Variants in NCAN observed in about 807,000 individuals in gnomAD.
NCAN encodes the protein neurocan core protein.
Under a neutral mutation model 121.8 loss-of-function variants are expected in NCAN, and 47 were observed. The observed-to-expected ratio is 0.39, with a 90% CI of 0.31 to 0.49. The LOEUF (loss-of-function observed/expected upper bound fraction) is 0.49. NCAN is among the 20% of genes least tolerant of loss of function. The probability of loss-of-function intolerance (pLI) is 0.92; values close to 1 mark genes in which losing one functional copy is unlikely to be tolerated. For synonymous variants in NCAN, 633 were observed against 702.0 expected (o/e 0.90, Z 1.55); for missense variants, 1,517 against 1,773.4 (o/e 0.86, Z 2.60).
chr19:19,220,790 C>T (rs1238668904), intron 3 of NCAN, among the ~76,000 whole-genome samples: 2 of 152,052 alleles, frequency 1.3e-5, no homozygotes, highest in African/African-American at 4.8e-5. Flanking sequence ...TCTTGTTGAG[C>T]TGCGTGTGGT....
chr19:19,241,178 C>T (rs974992474), intron 12 of NCAN, among the ~76,000 whole-genome samples: 10 of 152,054 alleles, frequency 6.6e-5, no homozygotes, highest in Non-Finnish European at 1.5e-4. Context: ...ATCGCTTGAA[C>T]CTGTGAGGCG....
In NCAN at chr19:19,228,128, C is replaced by T. The variant is rs1190514271; in HGVS notation, c.2508C>T (p.Ala836=). Residue 836 remains alanine (A), a synonymous_variant, in exon 8 of 15, where the codon GCC becomes GCT. Transcript: ENST00000252575. ...VNPMDSTVTP[A]PSDASGIWEP... is the part of the protein sequence containing the mutation. ...CCATGGATTCCACAGTCACGCCGGC[C>T]CCCAGTGATGCTAGTGGAATTTGGG... The T allele has an allele frequency of 6.2e-7, 1 of 1,613,610 alleles. No homozygotes were observed. Among genetic ancestry groups the T allele is most frequent in the African/African-American group, 1.3e-5 (1 of 74,916 alleles).
In NCAN at chr19:19,219,672, CA is replaced by C. The variant is rs56231208; in HGVS notation, c.475+376del. 1.4e-4 allele frequency among the ~76,000 whole-genome samples: 7 copies of C among 49,256 alleles called. 1 individual carries two copies. The highest frequency in any genetic ancestry group is 1.1e-3 in the South Asian group (1 of 910). The allele number at this position is 49,256 out of a possible 152,430, so 32.3% of individuals were successfully genotyped here. A position where few individuals can be genotyped will look rare whatever the true frequency, so the allele number is the denominator to read the frequency against. Reference sequence around the variant, plus strand: ...TGGATGACAGAGGGAGACCCTGTCACAAAAAAAAAAAAAAAAAAAAGGAAAG... The same window carrying C: ...TGGATGACAGAGGGAGACCCTGTCACAAAAAAAAAAAAAAAAAAAGGAAAG... On this transcript the variant is annotated intron_variant, in intron 3 of 14. Transcript: ENST00000252575.
chr19:19,244,309 C>CTTTTT (rs532412223), intron 12 of NCAN, among the ~76,000 whole-genome samples: 25,808 of 127,066 alleles, frequency 0.2, 3,061 homozygotes, highest in Middle Eastern at 0.27. Flanking sequence ...CCCTTACTAT[C>CTTTTT]TTTTTTTTTT....
chr19:19,245,206 C>G, intron 12 of NCAN, 107 bp from the exon 13 acceptor site: 1 of 1,372,488 alleles, frequency 7.3e-7, no homozygotes, highest in Non-Finnish European at 9.9e-7. Context: ...ACACTGAATC[C>G]CTGTGAGTTT....
intron 1 of NCAN, among the ~76,000 whole-genome samples, chr19:19,214,333 C>T (rs1241589722): frequency 6.6e-6 from 1 of 152,152 alleles, no homozygotes; most frequent in East Asian, 1.9e-4. Flanking sequence ...CATGAGGGCA[C>T]GGGCCCCAGA....
intron 10 of NCAN, among the ~76,000 whole-genome samples, chr19:19,236,338 G>T (rs1180048843): frequency 6.6e-6 from 1 of 152,166 alleles, no homozygotes; most frequent in Admixed American, 6.5e-5. Flanking sequence ...ATTGTAATAT[G>T]AATCAGTGTT....
At chr19:19,244,728 C>CTT (rs201995446) in intron 12 of NCAN, among the ~76,000 whole-genome samples, 10 of 136,482 alleles carry the variant, frequency 7.3e-5, no homozygotes, top group Admixed American at 1.5e-4. Flanking sequence ...TTTTCTTTTC[C>CTT]TTTTTTTTTT....
At chr19:19,240,826 G>A (rs2060900796) in intron 12 of NCAN, 141 bp downstream of exon 12, 3 of 805,234 alleles carry the variant, frequency 3.7e-6, no homozygotes, top group Middle Eastern at 2.5e-4. Context: ...GTTGGCAAAG[G>A]AGCTTCAAGT....
At chr19:19,241,056 G>C (rs1260644959) in intron 12 of NCAN, among the ~76,000 whole-genome samples, 1 of 151,856 alleles carries the variant, frequency 6.6e-6, no homozygotes. Context: ...GGGCACTTGA[G>C]ACTAGCCTGG....
rs2060835087 is a variant in NCAN at position 19,225,961 on chromosome 19, ACT to A, written c.1073-522_1073-521del. Among the ~76,000 whole-genome samples the A allele has an allele frequency of 6.6e-6, 1 of 151,736 alleles. No homozygotes were observed. The highest frequency in any genetic ancestry group is 2.1e-4 in the South Asian group (1 of 4,802). The stretch of plus-strand genomic sequence containing the variant: ...CTTTTTTCTTTTGAGACAGAGTCTC[ACT>A]CTGTCACCCAGGCTGGAGTGCAGTG... On this transcript the variant is annotated intron_variant, in intron 6 of 14. Transcript: ENST00000252575. The surrounding 1 kb of genome is among the most constrained non-coding windows in gnomAD (Gnocchi z 4.0).
At chr19:19,247,279 C>T (rs1165304396) in intron 13 of NCAN, among the ~76,000 whole-genome samples, 2 of 151,432 alleles carry the variant, frequency 1.3e-5, no homozygotes, top group Non-Finnish European at 2.9e-5. Context: ...TTTGAGACGG[C>T]GTCTTGCTCT....
rs948192941 is a variant in NCAN at position 19,250,942 on chromosome 19, G to A, written c.*1031G>A. The A allele has an allele frequency of 6.6e-6, 1 of 151,968 alleles. No individual in the cohort carries two copies. The highest frequency in any genetic ancestry group is 2.4e-5 in the African/African-American group (1 of 41,214). 9.4% of individuals were successfully genotyped at this position (151,968 alleles called of 1,614,324 possible). On this transcript the variant is annotated 3_prime_UTR_variant, in exon 15 of 15. Transcript: ENST00000252575. Reference sequence around the variant, plus strand: ...CCTACCTGCGGTCATATTGTAGAGAGATGCTCAGTGTTAAAACTGAAACAC... The same window carrying A: ...CCTACCTGCGGTCATATTGTAGAGAAATGCTCAGTGTTAAAACTGAAACAC...
At chr19:19,218,570 T>A (rs2060804265) in intron 2 of NCAN, among the ~76,000 whole-genome samples, 1 of 151,970 alleles carries the variant, frequency 6.6e-6, no homozygotes, top group African/African-American at 2.4e-5. Flanking sequence ...CCTCCCGGGT[T>A]CAAGCGATTC....
Position 19,225,345 on chromosome 19 carries a change from A to C in NCAN, c.1072+75A>C. On this transcript the variant is annotated intron_variant, in intron 6 of 14. Transcript: ENST00000252575. The surrounding 1 kb of genome is among the most constrained non-coding windows in gnomAD (Gnocchi z 4.0). ...AGGCCACGTCCCTGAAAGCCTCGCC[A>C]AGCCAAGGGAGAGACACATGGAAGC... 2 of 1,421,368 alleles carry C rather than the reference A, an allele frequency of 1.4e-6. No homozygotes were observed. Among genetic ancestry groups the C allele is most frequent in the Non-Finnish European group, 1.8e-6 (2 of 1,096,298 alleles). 88.0% of individuals were successfully genotyped at this position (1,421,368 alleles called of 1,614,324 possible).
In NCAN at chr19:19,227,842, C is replaced by G; in HGVS notation, c.2222C>G (p.Thr741Ser). The part of the protein sequence containing the change: ...NRNVAVGFVP[T>S]ETATEPTGLR... Reference sequence around the variant, plus strand: ...AATGTGGCTGTAGGTTTTGTCCCCACTGAGACTGCCACTGAGCCAACGGGC... The same window carrying G: ...AATGTGGCTGTAGGTTTTGTCCCCAGTGAGACTGCCACTGAGCCAACGGGC... The change falls in exon 8 of 15, where the codon ACT (threonine) becomes AGT (serine). Residue 741 changes from threonine to serine, a missense_variant. Physicochemically the swap from Thr to Ser is moderately conservative, Grantham distance 58. Transcript: ENST00000252575. The surrounding 1 kb of genome is among the most constrained non-coding windows in gnomAD (Gnocchi z 4.2). The G allele has an allele frequency of 6.2e-7, 1 of 1,613,688 alleles. No individual in the cohort carries two copies. The highest frequency in any genetic ancestry group is 8.5e-7 in the Non-Finnish European group (1 of 1,180,012).
chr19:19,235,158 G>T lies in NCAN; in HGVS notation c.3250+62G>T, dbSNP rs528018865. On this transcript the variant is annotated intron_variant, in intron 10 of 14. Coordinates refer to ENST00000252575, the MANE Select transcript of NCAN (RefSeq NM_004386.3). ...AGTGGGGTTGGGTGCCCAGCCACAG[G>T]CTTCCCCACATACTCCAGGTCCCTG... 2.8e-6 allele frequency: 3 copies of T among 1,063,790 alleles called. No individual in the cohort carries two copies. The South Asian group carries it at 4.2e-5, about 15-fold the overall frequency. The allele number at this position is 1,063,790 out of a possible 1,614,324, so 65.9% of individuals were successfully genotyped here.
At chr19:19,218,262 A>G (rs1388827013) in intron 2 of NCAN, among the ~76,000 whole-genome samples, 3 of 151,950 alleles carry the variant, frequency 2.0e-5, no homozygotes, top group Admixed American at 1.3e-4. Context: ...TGGGAGATGG[A>G]GCGAGACTCC....
intron 11 of NCAN, among the ~76,000 whole-genome samples, chr19:19,240,370 C>A (rs1240557335): frequency 1.3e-5 from 2 of 151,302 alleles, no homozygotes; most frequent in Non-Finnish European, 2.9e-5. Flanking sequence ...CACCCGGCCC[C>A]CAGCCCACAG....
Sources: gnomAD v4.1 joint callset for allele counts (sites outside exome capture counted in the v4.1 genomes callset) on GRCh38, gnomAD v4.1.1 for gene constraint, Gnocchi (gnomAD v3.1) non-coding constraint, MANE v1.5 for transcripts, NCBI Gene and HGNC (gene_info 2026-07-23, HGNC 2026-07-21) for gene names.